PPM1E: variants seen among roughly 807,000 people sequenced by gnomAD.
PPM1E encodes protein phosphatase 1E.
PPM1E carries 20 observed loss-of-function variants against 65.9 expected under a neutral mutation model. The observed-to-expected ratio is 0.30, with a 90% CI of 0.21 to 0.44. The LOEUF (loss-of-function observed/expected upper bound fraction) is 0.44. Ranked by LOEUF, PPM1E falls within the 20% of genes least tolerant of loss-of-function variation. The pLI is 1.00. For missense variants in PPM1E, 713 were observed against 953.1 expected (o/e 0.75, Z 3.32); for synonymous variants, 352 against 374.9 (o/e 0.94, Z 0.70).
At chr17:58,834,597 A>T (rs2050636011) in intron 1 of PPM1E, among the ~76,000 whole-genome samples, 1 of 152,160 alleles carries the variant, frequency 6.6e-6, no homozygotes, top group Admixed American at 6.5e-5. Context: ...GTCAAGGTCC[A>T]TTTTGTCTCC....
At chr17:58,826,417 C>T (rs1484765672) in intron 1 of PPM1E, among the ~76,000 whole-genome samples, 1 of 151,718 alleles carries the variant, frequency 6.6e-6, no homozygotes, top group East Asian at 1.9e-4. Context: ...CAGATATCTA[C>T]AGCAATAAAG....
At chr17:58,828,534 G>T (rs371457447) in intron 1 of PPM1E, among the ~76,000 whole-genome samples, 1 of 151,460 alleles carries the variant, frequency 6.6e-6, no homozygotes, top group Admixed American at 6.6e-5. Context: ...CCGCGATCTC[G>T]CCTCACCACA....
At chr17:58,952,005 T>C (rs1237361544) in intron 1 of PPM1E, among the ~76,000 whole-genome samples, 3 of 152,154 alleles carry the variant, frequency 2.0e-5, no homozygotes, top group East Asian at 3.9e-4. Context: ...GTAGTTTTCA[T>C]AGGGAAAGAT....
At chr17:58,944,336 T>C (rs370406155) in intron 1 of PPM1E, among the ~76,000 whole-genome samples, 5 of 152,182 alleles carry the variant, frequency 3.3e-5, no homozygotes, top group African/African-American at 1.2e-4. Context: ...GTTCCTTCTC[T>C]ACTCCCACTG....
At chr17:58,845,497 T>C (rs1433256321) in intron 1 of PPM1E, among the ~76,000 whole-genome samples, 1 of 152,092 alleles carries the variant, frequency 6.6e-6, no homozygotes, top group African/African-American at 2.4e-5. Flanking sequence ...TAACTTCTCA[T>C]TCCTTCCTCC....
At chr17:58,943,585 T>A (rs2052103430) in intron 1 of PPM1E, among the ~76,000 whole-genome samples, 1 of 152,154 alleles carries the variant, frequency 6.6e-6, no homozygotes, top group Non-Finnish European at 1.5e-5. Flanking sequence ...TCTACCCTCA[T>A]GACCTAGTTT....
At chr17:58,900,692 G>A (rs1162676502) in intron 1 of PPM1E, among the ~76,000 whole-genome samples, 1 of 152,130 alleles carries the variant, frequency 6.6e-6, no homozygotes, top group Non-Finnish European at 1.5e-5. Context: ...AGGTATGCCT[G>A]TACTATAGTT....
At chr17:58,843,611 G>A (rs185500481) in intron 1 of PPM1E, among the ~76,000 whole-genome samples, 15 of 151,996 alleles carry the variant, frequency 9.9e-5, no homozygotes, top group African/African-American at 2.7e-4. Context: ...GATTGCTTGC[G>A]CCCAGGAATT....
chr17:58,802,659 A>G (rs898959850), intron 1 of PPM1E, among the ~76,000 whole-genome samples: 3 of 152,132 alleles, frequency 2.0e-5, no homozygotes, highest in African/African-American at 4.8e-5. Context: ...TATTCTTCCA[A>G]TCCATGAACA....
In PPM1E at chr17:58,965,738, C is replaced by A; in HGVS notation, c.628C>A (p.His210Asn). 1 of 1,614,126 alleles carries A rather than the reference C, an allele frequency of 6.2e-7. No individual in the cohort carries two copies. Among genetic ancestry groups the A allele is most frequent in the Non-Finnish European group, 8.5e-7 (1 of 1,180,014 alleles). The part of the protein sequence containing the change: ...KLARSVFSKL[H>N]EICCSWVKDF... Reference sequence around the variant, plus strand: ...GGCCCGTTCTGTCTTCAGCAAACTACACGAGATTTGCTGCAGCTGGGTGAA... The same window carrying A: ...GGCCCGTTCTGTCTTCAGCAAACTAAACGAGATTTGCTGCAGCTGGGTGAA... The change falls in exon 3 of 7, where the codon CAC becomes AAC. Residue 210 changes from histidine to asparagine, a missense_variant. This residue lies in a region of PPM1E where 84 missense variants were observed against 113.9 expected (regional missense o/e 0.74). Transcript: ENST00000308249.
chr17:58,926,588 T>G (rs1212175245), intron 1 of PPM1E, among the ~76,000 whole-genome samples: 1 of 152,050 alleles, frequency 6.6e-6, no homozygotes, highest in African/African-American at 2.4e-5. Context: ...CAATTAATTG[T>G]GCTGTGCTGC....
In PPM1E at chr17:58,980,798, C is replaced by T. The variant is rs764019992; in HGVS notation, c.2035C>T (p.His679Tyr). Residue 679 changes from histidine (H) to tyrosine (Y), a missense_variant, in exon 7 of 7, where the codon CAC becomes TAC. Around this residue, in one of 6 missense-constraint regions of PPM1E, gnomAD observed 286 missense variants for 313.8 expected, o/e 0.91. Coordinates refer to ENST00000308249, the MANE Select transcript of PPM1E (RefSeq NM_014906.5). The surrounding 1 kb of genome is among the most constrained non-coding windows in gnomAD (Gnocchi z 4.7). ...ACGCCACCACTACTCAAAGAAGTGG[C>T]ACAGATTCAGGTTTAATCCAAAGTT... Reference protein sequence around the residue: ...HLRHHYSKKWHRFRFNPKFYS... With the variant: ...HLRHHYSKKWYRFRFNPKFYS... The T allele has an allele frequency of 7.8e-5, 126 of 1,614,062 alleles. No homozygotes were observed. Among genetic ancestry groups the T allele is most frequent in the Admixed American group, 3.8e-4 (23 of 60,006 alleles).
At chr17:58,779,691 A>G (rs1417661531) in intron 1 of PPM1E, among the ~76,000 whole-genome samples, 1 of 152,174 alleles carries the variant, frequency 6.6e-6, no homozygotes, top group Non-Finnish European at 1.5e-5. Context: ...TGTATTTACA[A>G]AAGTAATTAA....
intron 1 of PPM1E, among the ~76,000 whole-genome samples, chr17:58,777,060 C>T (rs1203031498): frequency 6.6e-6 from 1 of 151,922 alleles, no homozygotes; most frequent in Admixed American, 6.6e-5. Context: ...AGCAAGTCCC[C>T]GGCTTTACAA....
chr17:58,806,753 G>A (rs1367169576), intron 1 of PPM1E, among the ~76,000 whole-genome samples: 1 of 145,786 alleles, frequency 6.9e-6, no homozygotes, highest in African/African-American at 2.5e-5. Context: ...AGGTTGGAGT[G>A]TAGTGGCGCC....
intron 1 of PPM1E, among the ~76,000 whole-genome samples, chr17:58,900,579 C>G (rs2051486838): frequency 6.6e-6 from 1 of 152,042 alleles, no homozygotes; most frequent in South Asian, 2.1e-4. Flanking sequence ...CCCTGGGAAA[C>G]AAAAAATTTT....
At chr17:58,850,984 T>C (rs1394846683) in intron 1 of PPM1E, among the ~76,000 whole-genome samples, 1 of 152,142 alleles carries the variant, frequency 6.6e-6, no homozygotes, top group Non-Finnish European at 1.5e-5. Flanking sequence ...TTCTTTTTAC[T>C]TTTTTCTCTA....
chr17:58,925,262 T>C (rs1003899492), intron 1 of PPM1E, among the ~76,000 whole-genome samples: 1 of 152,152 alleles, frequency 6.6e-6, no homozygotes, highest in Non-Finnish European at 1.5e-5. Context: ...TTTTTAATAA[T>C]TGCCATTCTG....
At chr17:58,806,512 T>C (rs1320615327) in intron 1 of PPM1E, among the ~76,000 whole-genome samples, 1 of 152,154 alleles carries the variant, frequency 6.6e-6, no homozygotes, top group Non-Finnish European at 1.5e-5. Flanking sequence ...ATGATAGTTC[T>C]ACCTTTACTA....
Sources: allele counts gnomAD v4.1 joint callset (sites outside exome capture counted in the v4.1 genomes callset), GRCh38; gene constraint gnomAD v4.1.1; regional missense constraint gnomAD v4.1.1; non-coding constraint Gnocchi (gnomAD v3.1); transcripts MANE v1.5; gene names NCBI Gene and HGNC (gene_info 2026-07-23, HGNC 2026-07-21).